Variants in MVB12B observed in about 807,000 individuals in gnomAD.
MVB12B encodes the protein ESCRT-I complex subunit MVB12B.
A neutral mutation model predicts 41.6 loss-of-function variants in MVB12B; 16 were observed. The ratio of observed to expected loss-of-function variants is 0.38; its 90% confidence interval spans 0.26 to 0.58. MVB12B has a LOEUF of 0.58. MVB12B is among the 20% of genes least tolerant of loss of function. The pLI, the probability that MVB12B is intolerant of heterozygous loss-of-function variation, is 0.62. For synonymous variants in MVB12B, 133 were observed against 139.7 expected, an observed-to-expected ratio of 0.95 and a Z score of 0.34; for missense variants, 274 against 380.2, an observed-to-expected ratio of 0.72 and a Z score of 2.32.
intron 7 of MVB12B, among the ~76,000 whole-genome samples, chr9:126,430,365 T>C (rs1179879575): frequency 6.6e-6 from 1 of 152,110 alleles, no homozygotes. Context: ...CTCCAGCAGC[T>C]CAGATTTCAC....
chr9:126,455,896 T>G (rs548259425), intron 7 of MVB12B, among the ~76,000 whole-genome samples: 90 of 146,434 alleles, frequency 6.1e-4, no homozygotes, highest in South Asian at 1.8e-3. Context: ...TCTTTTTTTT[T>G]TTTTTTTTTT....
At chr9:126,342,124 A>G (rs552747379) in intron 2 of MVB12B, among the ~76,000 whole-genome samples, 2 of 152,376 alleles carry the variant, frequency 1.3e-5, no homozygotes, top group African/African-American at 2.4e-5. Context: ...GCTAATAAAA[A>G]TGTTCCTGAT....
At chr9:126,413,818 TTGTGTGTGTGTGTG>T (rs34089808) in intron 6 of MVB12B, among the ~76,000 whole-genome samples, 3 of 109,476 alleles carry the variant, frequency 2.7e-5, no homozygotes, top group Admixed American at 2.0e-4. Context: ...ACCCCATTGG[TTGTGTGTGTGTGTG>T]TGTGTGTGTG....
At chr9:126,393,744 G>A (rs1831024246) in intron 5 of MVB12B, among the ~76,000 whole-genome samples, 1 of 152,240 alleles carries the variant, frequency 6.6e-6, no homozygotes, top group African/African-American at 2.4e-5. Flanking sequence ...GTGGCAGATG[G>A]TTTACAGCCC....
At chr9:126,412,500 A>G (rs1426127998) in intron 6 of MVB12B, among the ~76,000 whole-genome samples, 1 of 152,228 alleles carries the variant, frequency 6.6e-6, no homozygotes, top group East Asian at 1.9e-4. Context: ...CTTCAGCACC[A>G]AGCACCACCA....
At chr9:126,451,426 G>C (rs1203476644) in intron 7 of MVB12B, among the ~76,000 whole-genome samples, 1 of 152,144 alleles carries the variant, frequency 6.6e-6, no homozygotes, top group Non-Finnish European at 1.5e-5. Flanking sequence ...GACAGGTCAG[G>C]GGTACTTAGT....
At chr9:126,424,426 CGAAGG>C (rs1289826699) in intron 7 of MVB12B, among the ~76,000 whole-genome samples, 8 of 152,098 alleles carry the variant, frequency 5.3e-5, no homozygotes, top group African/African-American at 1.9e-4. Context: ...AAGGAAGAGA[CGAAGG>C]GAATCATTTA....
chr9:126,381,477 G>A (rs1222735301), intron 3 of MVB12B, among the ~76,000 whole-genome samples: 5 of 152,088 alleles, frequency 3.3e-5, no homozygotes, highest in Admixed American at 6.5e-5. Flanking sequence ...AGGGTAGTGC[G>A]GCAGTGAGAG....
rs568391682 is a variant in MVB12B, at chr9:126,472,962, TAAAA to T, written c.758-8400_758-8397del. ...ATTTTGTTAAAACTGCCACCAAAAA[TAAAA>T]AAAAAATTTAAAAACAAGAAGAAGA... On this transcript the variant is annotated intron_variant, in intron 7 of 9. Transcript: ENST00000361171. Among the ~76,000 whole-genome samples the T allele has an allele frequency of 2.7e-5, 4 of 149,590 alleles. No individual in the cohort carries two copies. In the East Asian group the frequency reaches 7.8e-4, roughly 29 times the overall value.
chr9:126,477,981 G>T (rs1040909834), intron 7 of MVB12B, among the ~76,000 whole-genome samples: 7 of 152,154 alleles, frequency 4.6e-5, no homozygotes, highest in African/African-American at 1.7e-4. Flanking sequence ...GTGATCATCA[G>T]TTGGAAGGAG....
intron 7 of MVB12B, among the ~76,000 whole-genome samples, chr9:126,466,256 C>T (rs536761874): frequency 4.6e-4 from 70 of 152,252 alleles, no homozygotes; most frequent in Non-Finnish European, 8.4e-4. Flanking sequence ...TGGGGATGCT[C>T]GTGTTTGCTC....
chr9:126,403,306 C>T (rs539946026), intron 6 of MVB12B, among the ~76,000 whole-genome samples: 80 of 152,214 alleles, frequency 5.3e-4, no homozygotes, highest in Non-Finnish European at 9.6e-4. Context: ...CTTCACCATG[C>T]ACCTCAGTTT....
At chr9:126,402,672 G>T (rs927388115) in intron 6 of MVB12B, among the ~76,000 whole-genome samples, 1 of 152,114 alleles carries the variant, frequency 6.6e-6, no homozygotes, top group African/African-American at 2.4e-5. Context: ...AGAAGAAGAC[G>T]AGGGCTTGGG....
At chr9:126,387,987 T>C (rs1276203047) in intron 4 of MVB12B, among the ~76,000 whole-genome samples, 1 of 152,220 alleles carries the variant, frequency 6.6e-6, no homozygotes, top group Non-Finnish European at 1.5e-5. Flanking sequence ...TTTACAGATA[T>C]GTTTTATATT....
chr9:126,366,291 G>A (rs192498035), intron 2 of MVB12B, among the ~76,000 whole-genome samples: 4 of 151,730 alleles, frequency 2.6e-5, no homozygotes, highest in African/African-American at 9.7e-5. Context: ...TTCCTAATCC[G>A]TATTCTTCTC....
At chr9:126,471,042 C>G (rs747126932) in intron 7 of MVB12B, among the ~76,000 whole-genome samples, 2 of 152,188 alleles carry the variant, frequency 1.3e-5, no homozygotes, top group African/African-American at 2.4e-5. Flanking sequence ...TTTCTCTCTT[C>G]TACAGCTGAG....
rs181636957 is a variant in MVB12B at position 126,401,633 on chromosome 9, C to T, written c.662+5936C>T. ...GCTGTCATCGGAAAGGTTAATGGCCCTTCCTAGAGGAGAGGAAAAATCATG... is the reference window on the plus strand; with the variant it reads ...GCTGTCATCGGAAAGGTTAATGGCCTTTCCTAGAGGAGAGGAAAAATCATG... On this transcript the variant is annotated intron_variant, in intron 6 of 9. Coordinates refer to ENST00000361171, the MANE Select transcript of MVB12B (RefSeq NM_033446.3). Among the ~76,000 whole-genome samples the T allele has an allele frequency of 3.3e-5, 5 of 152,358 alleles. No homozygotes were observed. In the East Asian group the frequency reaches 9.7e-4, roughly 29 times the overall value.
In MVB12B at chr9:126,367,778, A is replaced by G. The variant is rs971949102; in HGVS notation, c.205-13286A>G. 6.6e-6 allele frequency among the ~76,000 whole-genome samples: 1 copy of G among 152,188 alleles called. No individual in the cohort carries two copies. Among genetic ancestry groups the G allele is most frequent in the African/African-American group, 2.4e-5 (1 of 41,454 alleles). On this transcript the variant is annotated intron_variant, in intron 2 of 9. Transcript: ENST00000361171. The surrounding 1 kb of genome is among the most constrained non-coding windows in gnomAD (Gnocchi z 4.3). Reference sequence around the variant, plus strand: ...GTCTTGTTTTACAAGTAAGAAAGCAAAGCCTCTGAGAGCTCAAGGGTGTGG... The same window carrying G: ...GTCTTGTTTTACAAGTAAGAAAGCAGAGCCTCTGAGAGCTCAAGGGTGTGG...
intron 5 of MVB12B, among the ~76,000 whole-genome samples, chr9:126,393,001 C>T (rs1831002963): frequency 6.6e-6 from 1 of 152,224 alleles, no homozygotes; most frequent in Admixed American, 6.5e-5. Flanking sequence ...TATTACACAG[C>T]TGCATGATAA....
Sources: allele counts gnomAD v4.1 joint callset (sites outside exome capture counted in the v4.1 genomes callset), GRCh38; gene constraint gnomAD v4.1.1; non-coding constraint Gnocchi (gnomAD v3.1); transcripts MANE v1.5; gene names NCBI Gene and HGNC (gene_info 2026-07-23, HGNC 2026-07-21).